Variants in ATAD2B observed in about 807,000 individuals in gnomAD.
ATAD2B encodes ATPase family AAA domain-containing protein 2B.
ATAD2B carries 40 observed loss-of-function variants against 167.6 expected under a neutral mutation model. That is an observed-to-expected ratio of 0.24 (90% CI 0.19 to 0.31). The LOEUF (loss-of-function observed/expected upper bound fraction) is 0.31, where lower values mean the gene tolerates loss of function less well. ATAD2B is among the 10% of genes least tolerant of loss of function. The probability of loss-of-function intolerance (pLI) is 1.00; values close to 1 mark genes in which losing one functional copy is unlikely to be tolerated. For synonymous variants in ATAD2B, 579 were observed against 596.5 expected (o/e 0.97, Z 0.43); for missense variants, 1,242 against 1,757.2 (o/e 0.71, Z 5.24).
At position 23,882,742 on chromosome 2, in the gene ATAD2B, G is replaced by A. The variant is rs536826523; in HGVS notation, c.785-1987C>T. ...GGAGAATGGCATGAACCCAGGAGGC[G>A]GAGCTTGCAGTGAGCCGAGACTGCA... is the stretch of plus-strand genomic sequence containing the variant. On this transcript the variant is annotated intron_variant, in intron 6 of 27. Coordinates refer to ENST00000238789, the MANE Select transcript of ATAD2B (RefSeq NM_017552.4). 6.6e-5 allele frequency among the ~76,000 whole-genome samples: 10 copies of A among 151,378 alleles called. 1 individual carries two copies. In the South Asian group the frequency reaches 8.3e-4, roughly 13 times the overall value.
intron 18 of ATAD2B, among the ~76,000 whole-genome samples, chr2:23,801,342 A>T (rs909287652): frequency 1.3e-5 from 2 of 152,168 alleles, no homozygotes; most frequent in Non-Finnish European, 2.9e-5. Flanking sequence ...TGTGAAATCA[A>T]ATACCAGATA....
At chr2:23,844,835 T>C (rs939857590) in intron 13 of ATAD2B, among the ~76,000 whole-genome samples, 1 of 150,982 alleles carries the variant, frequency 6.6e-6, no homozygotes, top group African/African-American at 2.4e-5. Context: ...GAAGAAATAG[T>C]GGCCAAAAAT....
intron 8 of ATAD2B, among the ~76,000 whole-genome samples, chr2:23,875,445 G>A (rs912127499): frequency 6.6e-6 from 1 of 151,734 alleles, no homozygotes; most frequent in Admixed American, 6.6e-5. Flanking sequence ...GTTGCAGTGA[G>A]CCGAGACTGC....
chr2:23,714,830 G>A, the ATAD2B span, among the ~76,000 whole-genome samples: 1 of 151,452 alleles, frequency 6.6e-6, no homozygotes, highest in Non-Finnish European at 1.5e-5. Flanking sequence ...ACTCCAGCCT[G>A]AGTGACAGAG....
chr2:23,897,613 A>C (rs1700305528), intron 1 of ATAD2B, among the ~76,000 whole-genome samples: 1 of 152,104 alleles, frequency 6.6e-6, no homozygotes, highest in East Asian at 1.9e-4. Flanking sequence ...TTATTCTACA[A>C]ATTATAATTT....
At chr2:23,701,172 C>G in the ATAD2B span, among the ~76,000 whole-genome samples, 1 of 53,776 alleles carries the variant, frequency 1.9e-5, no homozygotes, top group African/African-American at 4.7e-5. Context: ...AAGCCAGACC[C>G]TGAACCATCC....
At chr2:23,842,147 C>T (rs1240786733) in intron 13 of ATAD2B, among the ~76,000 whole-genome samples, 1 of 152,140 alleles carries the variant, frequency 6.6e-6, no homozygotes, top group Non-Finnish European at 1.5e-5. Flanking sequence ...AATCTATAAT[C>T]ATATTTTGTG....
At chr2:23,723,247 T>C in the ATAD2B span, among the ~76,000 whole-genome samples, 1 of 151,782 alleles carries the variant, frequency 6.6e-6, no homozygotes, top group South Asian at 2.1e-4. Context: ...GAGCTATGAT[T>C]GCACCACTGC....
chr2:23,734,070 C>T, the ATAD2B span, among the ~76,000 whole-genome samples: 1 of 152,168 alleles, frequency 6.6e-6, no homozygotes, highest in Non-Finnish European at 1.5e-5. Context: ...GGGAAAAAAG[C>T]CTTCCATGCA....
chr2:23,783,064 T>C, intron 21 of ATAD2B, 36 bp from the exon 22 acceptor site: 1 of 1,176,920 alleles, frequency 8.5e-7, no homozygotes, highest in Non-Finnish European at 1.2e-6. Flanking sequence ...TACTTCCAGT[T>C]TTTCACATCA....
At chr2:23,693,927 G>A in the ATAD2B span, among the ~76,000 whole-genome samples, 1 of 152,288 alleles carries the variant, frequency 6.6e-6, no homozygotes, top group African/African-American at 2.4e-5. Context: ...GGTCCTGAGG[G>A]GACTGTGTTG....
At chr2:23,821,934 G>A (rs925098567) in intron 16 of ATAD2B, among the ~76,000 whole-genome samples, 4 of 152,206 alleles carry the variant, frequency 2.6e-5, no homozygotes, top group East Asian at 3.9e-4. Context: ...GATTACACAG[G>A]CGTGAGCAAC....
intron 18 of ATAD2B, among the ~76,000 whole-genome samples, chr2:23,801,217 G>C (rs1683443204): frequency 6.6e-6 from 1 of 151,090 alleles, no homozygotes; most frequent in South Asian, 2.1e-4. Flanking sequence ...AATTCTTATA[G>C]TATAAGCAAC....
intron 13 of ATAD2B, among the ~76,000 whole-genome samples, chr2:23,842,475 G>A (rs2149816681): frequency 6.6e-6 from 1 of 152,224 alleles, no homozygotes. Flanking sequence ...GGGAGTTCAT[G>A]GTAACTCAGA....
At chr2:23,874,896 A>C (rs1413737584) in intron 8 of ATAD2B, among the ~76,000 whole-genome samples, 1 of 149,752 alleles carries the variant, frequency 6.7e-6, no homozygotes, top group Non-Finnish European at 1.5e-5. Flanking sequence ...CTCTACTAAA[A>C]ATACAAAAAA....
chr2:23,799,577 AAAAAAAAAAAAAG>A (rs920435862), intron 18 of ATAD2B, among the ~76,000 whole-genome samples: 20 of 150,040 alleles, frequency 1.3e-4, no homozygotes, highest in African/African-American at 3.9e-4. Flanking sequence ...TCTCAAAAAA[AAAAAAAAAAAAAG>A]AAAAGAAAAA....
chr2:23,852,747 T>C (rs1692767921), intron 13 of ATAD2B, among the ~76,000 whole-genome samples: 1 of 151,918 alleles, frequency 6.6e-6, no homozygotes, highest in African/African-American at 2.4e-5. Context: ...GGTGAAACCC[T>C]GTCTCTACTA....
the ATAD2B span, among the ~76,000 whole-genome samples, chr2:23,726,318 C>T: frequency 1.3e-5 from 2 of 152,142 alleles, no homozygotes; most frequent in Non-Finnish European, 2.9e-5. Flanking sequence ...AAGTTAACTA[C>T]TAATAGCCTG....
At chr2:23,741,796 C>T in the ATAD2B span, among the ~76,000 whole-genome samples, 1 of 152,046 alleles carries the variant, frequency 6.6e-6, no homozygotes, top group East Asian at 1.9e-4. Flanking sequence ...ATTTTTGCAA[C>T]CTACTCATCT....
Sources: allele counts gnomAD v4.1 joint callset (sites outside exome capture counted in the v4.1 genomes callset), GRCh38; gene constraint gnomAD v4.1.1; transcripts MANE v1.5; gene names NCBI Gene and HGNC (gene_info 2026-07-23, HGNC 2026-07-21).